The following GOLGA7 variants were observed in gnomAD, a reference collection of about 807,000 sequenced individuals.
GOLGA7 encodes golgin subfamily A member 7.
In GOLGA7, 10 loss-of-function variants were observed where a neutral mutation model predicts 21.1. The ratio of observed to expected loss-of-function variants is 0.47; its 90% CI spans 0.29 to 0.80. The LOEUF (loss-of-function observed/expected upper bound fraction) is 0.80, where lower values mean the gene tolerates loss of function less well. GOLGA7 is among the 30% of genes least tolerant of loss of function. GOLGA7 has a pLI of 0.08. For synonymous variants in GOLGA7, 64 were observed against 62.6 expected (o/e 1.02, Z -0.10); for missense variants, 114 against 166.8 (o/e 0.68, Z 1.74).
At chr8:41,501,875 G>A (rs2150443803) in intron 2 of GOLGA7, among the ~76,000 whole-genome samples, 1 of 152,270 alleles carries the variant, frequency 6.6e-6, no homozygotes, top group Non-Finnish European at 1.5e-5. Flanking sequence ...TTGGAAGATG[G>A]TCCTAAATAC....
chr8:41,497,732 C>A, intron 2 of GOLGA7, 71 bp downstream of exon 2: 1 of 760,490 alleles, frequency 1.3e-6, no homozygotes, highest in Non-Finnish European at 2.3e-6. Context: ...CACATTGATG[C>A]TTACATGGTG....
intron 4 of GOLGA7, 31 bp downstream of exon 4, chr8:41,507,152 G>A (rs766398784): frequency 2.4e-6 from 2 of 829,460 alleles, no homozygotes; most frequent in South Asian, 2.7e-5. Context: ...CTTGTATGCA[G>A]CTTTTGCAAG....
intron 1 of GOLGA7, among the ~76,000 whole-genome samples, chr8:41,493,098 CTTTG>C (rs1563414151): frequency 2.6e-4 from 39 of 152,286 alleles, no homozygotes; most frequent in South Asian, 6.2e-4. Flanking sequence ...TCAATTGTGC[CTTTG>C]AATTTCTTTT....
At chr8:41,504,122 A>AT (rs1806218928) in intron 2 of GOLGA7, among the ~76,000 whole-genome samples, 1 of 106,642 alleles carries the variant, frequency 9.4e-6, no homozygotes, top group Middle Eastern at 5.7e-3. Context: ...GAGTATAATA[A>AT]AAAAAAAAAA....
At chr8:41,496,083 C>T (rs536384080) in intron 1 of GOLGA7, among the ~76,000 whole-genome samples, 7 of 152,130 alleles carry the variant, frequency 4.6e-5, no homozygotes, top group African/African-American at 1.4e-4. Flanking sequence ...ACACGAAATT[C>T]ATTATGTTTT....
chr8:41,494,239 G>A (rs866602643), intron 1 of GOLGA7, among the ~76,000 whole-genome samples: 1 of 152,170 alleles, frequency 6.6e-6, no homozygotes, highest in Non-Finnish European at 1.5e-5. Flanking sequence ...TGCTCTGGGG[G>A]TTGAGGTAGG....
chr8:41,507,741 C>G (rs1806320486), intron 4 of GOLGA7, among the ~76,000 whole-genome samples: 1 of 152,152 alleles, frequency 6.6e-6, no homozygotes, highest in Non-Finnish European at 1.5e-5. Context: ...CGTTGAAGCC[C>G]TAAGTACTTT....
At chr8:41,508,288 C>T (rs562093514) in intron 4 of GOLGA7, among the ~76,000 whole-genome samples, 1 of 152,290 alleles carries the variant, frequency 6.6e-6, no homozygotes, top group East Asian at 1.9e-4. Context: ...ATTTTGTCTG[C>T]TCCTGTATGA....
At chr8:41,499,545 C>G (rs1806100545) in intron 2 of GOLGA7, among the ~76,000 whole-genome samples, 1 of 152,176 alleles carries the variant, frequency 6.6e-6, no homozygotes, top group Non-Finnish European at 1.5e-5. Context: ...TGACCGAACT[C>G]TTCTCCAACC....
intron 1 of GOLGA7, among the ~76,000 whole-genome samples, chr8:41,496,843 T>G (rs907523598): frequency 1.5e-5 from 2 of 135,842 alleles, no homozygotes; most frequent in African/African-American, 5.5e-5. Context: ...AGTCTCGCTC[T>G]GTCACCCAGG....
intron 2 of GOLGA7, among the ~76,000 whole-genome samples, chr8:41,503,639 A>G (rs2150445039): frequency 1.1e-5 from 1 of 89,400 alleles, no homozygotes; most frequent in Non-Finnish European, 2.2e-5. Flanking sequence ...ATGGCTAGCC[A>G]GTTTTCCCAG....
At chr8:41,496,804 CTTT>C (rs34657481) in intron 1 of GOLGA7, among the ~76,000 whole-genome samples, 2 of 91,652 alleles carry the variant, frequency 2.2e-5, no homozygotes, top group Non-Finnish European at 3.9e-5. Flanking sequence ...CAGTTTATTG[CTTT>C]TTTTTTTTTT....
Position 41,490,753 on chromosome 8 carries a change from G to A in GOLGA7, c.-102G>A. On this transcript the variant is annotated 5_prime_UTR_variant, in exon 1 of 5. Coordinates refer to ENST00000357743, the MANE Select transcript of GOLGA7 (RefSeq NM_001002296.2). Reference sequence around the variant, plus strand: ...CTTGGGCTGTTTTCGGCGGCGGGTGGGGGCGAGGGGCTGGCGGGTCAGAGT... The same window carrying A: ...CTTGGGCTGTTTTCGGCGGCGGGTGAGGGCGAGGGGCTGGCGGGTCAGAGT... 1.5e-6 allele frequency: 1 copy of A among 670,166 alleles called. No homozygotes were observed. Among genetic ancestry groups the A allele is most frequent in the Non-Finnish European group, 2.7e-6 (1 of 372,782 alleles). The allele number at this position is 670,166 out of a possible 1,614,324, so 41.5% of individuals were successfully genotyped here.
chr8:41,492,296 T>C (rs1048506207), intron 1 of GOLGA7, among the ~76,000 whole-genome samples: 1 of 152,248 alleles, frequency 6.6e-6, no homozygotes, highest in Admixed American at 6.5e-5. Flanking sequence ...AAGTGGCCAG[T>C]TGGGTAGAGC....
At position 41,490,662 on chromosome 8, in the gene GOLGA7, C is replaced by A. The variant is rs1004772890; in HGVS notation, c.-193C>A. On this transcript the variant is annotated 5_prime_UTR_variant, in exon 1 of 5. It adds an upstream start codon to the 5' untranslated region. Transcript: ENST00000357743. ...AACCGGGTTGTGGGGGGCGCGGGGC[C>A]TGGGCCAGGCGGCAGCTAAGGCCCG... 5.5e-6 allele frequency: 3 copies of A among 546,168 alleles called. No homozygotes were observed. Among genetic ancestry groups the A allele is most frequent in the Non-Finnish European group, 9.7e-6 (3 of 309,408 alleles). 33.8% of individuals were successfully genotyped at this position (546,168 alleles called of 1,614,324 possible).
intron 2 of GOLGA7, among the ~76,000 whole-genome samples, chr8:41,498,242 A>G (rs1025228950): frequency 6.6e-6 from 1 of 152,194 alleles, no homozygotes; most frequent in Non-Finnish European, 1.5e-5. Context: ...TTATGCCCTT[A>G]TTCTGTCTCT....
chr8:41,501,643 G>A (rs60913210), intron 2 of GOLGA7, among the ~76,000 whole-genome samples: 27,273 of 152,122 alleles, frequency 0.18, 2,957 homozygotes, highest in Middle Eastern at 0.31. Context: ...CGATCCTCCC[G>A]TCTCGGCCTC....
chr8:41,507,172 T>A, intron 4 of GOLGA7, 51 bp downstream of exon 4: 3 of 779,354 alleles, frequency 3.8e-6, no homozygotes, highest in Non-Finnish European at 7.1e-6. Context: ...GTTTAGAGGA[T>A]GCATGAATAT....
chr8:41,496,927 C>A (rs1806031904), intron 1 of GOLGA7, among the ~76,000 whole-genome samples: 1 of 151,074 alleles, frequency 6.6e-6, no homozygotes, highest in African/African-American at 2.4e-5. Context: ...CCTGCCTCAG[C>A]CTCCCCAGTA....
Sources: allele counts gnomAD v4.1 joint callset (sites outside exome capture counted in the v4.1 genomes callset), GRCh38; gene constraint gnomAD v4.1.1; transcripts MANE v1.5; gene names NCBI Gene and HGNC (gene_info 2026-07-23, HGNC 2026-07-21).